Variants in RAI14 observed in about 807,000 individuals in gnomAD.
The protein encoded by RAI14 is ankycorbin.
Under a neutral mutation model 115.4 loss-of-function variants are expected in RAI14, and 45 were observed. That is an observed-to-expected ratio of 0.39 (90% confidence interval 0.31 to 0.50). The LOEUF is 0.50. Ranked by LOEUF, RAI14 falls within the 20% of genes least tolerant of loss-of-function variation. The pLI, the probability that RAI14 is intolerant of heterozygous loss-of-function variation, is 0.85. For missense variants in RAI14, 939 were observed against 1,131.2 expected (o/e 0.83, Z 2.44); for synonymous variants, 371 against 415.4 (o/e 0.89, Z 1.30).
At chr5:34,757,770 T>C (rs1748093366) in intron 3 of RAI14, 172 bp downstream of exon 3, 3 of 842,176 alleles carry the variant, frequency 3.6e-6, no homozygotes, top group Non-Finnish European at 5.0e-6. Context: ...CCAAGTCACA[T>C]ATGGAGCTCT....
intron 2 of RAI14, among the ~76,000 whole-genome samples, chr5:34,740,184 T>C (rs1467951707): frequency 6.6e-6 from 1 of 152,224 alleles, no homozygotes; most frequent in Non-Finnish European, 1.5e-5. Context: ...GCCCTGGAAA[T>C]AAAGTTTCAG....
At chr5:34,763,943 C>T (rs1749011641) in intron 3 of RAI14, among the ~76,000 whole-genome samples, 1 of 152,172 alleles carries the variant, frequency 6.6e-6, no homozygotes, top group South Asian at 2.1e-4. Flanking sequence ...CTCCTGCTTC[C>T]TGGGTTCAAA....
At chr5:34,686,849 A>C in intron 1 of RAI14, 23 bp from the exon 2 acceptor site, 1 of 1,482,020 alleles carries the variant, frequency 6.7e-7, no homozygotes, top group Non-Finnish European at 9.4e-7. Context: ...AAACCTACAT[A>C]TGTCCTTTTT....
intron 4 of RAI14, among the ~76,000 whole-genome samples, chr5:34,801,466 G>A (rs1406811068): frequency 2.7e-5 from 4 of 149,406 alleles, no homozygotes; most frequent in South Asian, 2.2e-4. Flanking sequence ...AAATGGGGCC[G>A]GGCGCAGTGG....
chr5:34,824,827 C>T (rs1757275252), intron 15 of RAI14, among the ~76,000 whole-genome samples: 1 of 151,728 alleles, frequency 6.6e-6, no homozygotes, highest in African/African-American at 2.4e-5. Flanking sequence ...GCCTGTAATC[C>T]CAGCTACAAG....
rs1580197825 is a variant in RAI14 at position 34,770,473 on chromosome 5, C to G, written c.167+12875C>G. Among the ~76,000 whole-genome samples the G allele has an allele frequency of 2.0e-5, 3 of 152,276 alleles. No homozygotes were observed. The East Asian group carries it at 5.8e-4, about 29-fold the overall frequency. ...TCATGGTACACACAGTCTAATAGGGCAGACAGACAATAAACAGATACCTCT... is the reference window on the plus strand; with the variant it reads ...TCATGGTACACACAGTCTAATAGGGGAGACAGACAATAAACAGATACCTCT... On this transcript the variant is annotated intron_variant, in intron 3 of 17. Transcript: ENST00000265109.
chr5:34,697,673 G>C (rs1739436609), intron 2 of RAI14, among the ~76,000 whole-genome samples: 2 of 152,184 alleles, frequency 1.3e-5, no homozygotes, highest in South Asian at 4.1e-4. Context: ...CAGCTTCATT[G>C]AAAAGTTTGG....
At chr5:34,767,853 T>C (rs1182678831) in intron 3 of RAI14, among the ~76,000 whole-genome samples, 1 of 151,602 alleles carries the variant, frequency 6.6e-6, no homozygotes, top group African/African-American at 2.4e-5. Context: ...TCTTATTAAT[T>C]ATGTTAATAC....
At chr5:34,700,371 G>T (rs766896840) in intron 2 of RAI14, among the ~76,000 whole-genome samples, 4 of 152,082 alleles carry the variant, frequency 2.6e-5, no homozygotes, top group Non-Finnish European at 4.4e-5. Flanking sequence ...TGCCTTTTTA[G>T]GTGCATTTGG....
At chr5:34,690,262 T>C (rs1381520563) in intron 2 of RAI14, among the ~76,000 whole-genome samples, 1 of 152,196 alleles carries the variant, frequency 6.6e-6, no homozygotes, top group African/African-American at 2.4e-5. Context: ...CTCAAAATAT[T>C]TTAAACCATT....
intron 2 of RAI14, among the ~76,000 whole-genome samples, chr5:34,752,062 A>G (rs1394346055): frequency 1.3e-5 from 2 of 152,214 alleles, no homozygotes; most frequent in African/African-American, 4.8e-5. Context: ...ACAAGCACCC[A>G]GGTGATTCTT....
At chr5:34,830,540 A>G in intron 17 of RAI14, 148 bp from the exon 18 acceptor site, 1 of 1,381,934 alleles carries the variant, frequency 7.2e-7, no homozygotes, top group Non-Finnish European at 9.6e-7. Context: ...CCTCATAGAA[A>G]TTTGGGAAAT....
chr5:34,824,879 G>A (rs1257774865), intron 15 of RAI14, among the ~76,000 whole-genome samples: 1 of 149,710 alleles, frequency 6.7e-6, no homozygotes, highest in Non-Finnish European at 1.5e-5. Context: ...AGGAGGTGGA[G>A]GTTGCAGTGA....
chr5:34,663,011 C>T (rs1013153745), intron 1 of RAI14, among the ~76,000 whole-genome samples: 2 of 152,090 alleles, frequency 1.3e-5, no homozygotes, highest in African/African-American at 4.8e-5. Context: ...GCTGGGATTA[C>T]AGGTGTGAGC....
chr5:34,832,517 G>A lies in RAI14; in HGVS notation c.*1752G>A, dbSNP rs757392277. 1 of 152,500 alleles carries A rather than the reference G, an allele frequency of 6.6e-6. No individual in the cohort carries two copies. Among genetic ancestry groups the A allele is most frequent in the Non-Finnish European group, 1.5e-5 (1 of 68,014 alleles). 9.4% of individuals were successfully genotyped at this position (152,500 alleles called of 1,614,324 possible). On this transcript the variant is annotated 3_prime_UTR_variant, in exon 18 of 18. Coordinates refer to ENST00000265109, the MANE Select transcript of RAI14 (RefSeq NM_015577.3). ...GATGCATATTTATTACGAGTACTCT[G>A]GTTAAATATTGAAAAGTTATATGCT...
At chr5:34,695,483 C>T (rs1173464088) in intron 2 of RAI14, among the ~76,000 whole-genome samples, 1 of 151,824 alleles carries the variant, frequency 6.6e-6, no homozygotes, top group South Asian at 2.1e-4. Flanking sequence ...TAGCCACTGC[C>T]CACATGTGGC....
intron 3 of RAI14, among the ~76,000 whole-genome samples, chr5:34,774,296 G>A (rs539304720): frequency 1.1e-3 from 166 of 152,122 alleles, no homozygotes; most frequent in Middle Eastern, 3.4e-3. Context: ...TCTTGAACCC[G>A]AGAGGCAGAG....
At chr5:34,749,944 G>A (rs1035807711) in intron 2 of RAI14, among the ~76,000 whole-genome samples, 1 of 152,214 alleles carries the variant, frequency 6.6e-6, no homozygotes, top group Non-Finnish European at 1.5e-5. Context: ...TTTTGAAGGA[G>A]CATAGTAGAA....
chr5:34,667,328 C>T (rs1743293332), intron 1 of RAI14: 1 of 152,290 alleles, frequency 6.6e-6, no homozygotes, highest in Admixed American at 6.5e-5. Context: ...GCCTTGACCT[C>T]CTGGGCTCAA....
Sources: gnomAD v4.1 joint callset for allele counts (sites outside exome capture counted in the v4.1 genomes callset) on GRCh38, gnomAD v4.1.1 for gene constraint, MANE v1.5 for transcripts, NCBI Gene and HGNC (gene_info 2026-07-23, HGNC 2026-07-21) for gene names.